UNC13C: variants seen among roughly 807,000 people sequenced by gnomAD.
UNC13C encodes the protein unc-13 homolog C.
Under a neutral mutation model 245.4 loss-of-function variants are expected in UNC13C, and 174 were observed. The observed-to-expected ratio is 0.71, with a 90% CI of 0.63 to 0.80. The LOEUF is 0.80. Ranked by LOEUF, UNC13C falls within the 30% of genes least tolerant of loss-of-function variation. UNC13C has a pLI of 0.00. For missense variants in UNC13C, 2,829 were observed against 2,602.9 expected, an observed-to-expected ratio of 1.09 and a Z score of -1.89; for synonymous variants, 992 against 895.1, an observed-to-expected ratio of 1.11 and a Z score of -1.93.
chr15:54,154,821 C>T (rs968433747), intron 4 of UNC13C, among the ~76,000 whole-genome samples: 3 of 152,126 alleles, frequency 2.0e-5, no homozygotes, highest in African/African-American at 7.2e-5. Flanking sequence ...CTATATTGTC[C>T]TGAGCTTCTC....
In UNC13C at chr15:54,013,524, G is replaced by C. The variant is rs756696299; in HGVS notation, c.621G>C (p.Trp207Cys). 11 of 1,613,918 alleles carry C rather than the reference G, an allele frequency of 6.8e-6. No individual in the cohort carries two copies. The highest frequency in any genetic ancestry group is 1.7e-5 in the Admixed American group (1 of 59,988). Reference sequence around the variant, plus strand: ...AGTTAAGCACCATGAAAAAATCCTGGGGAATAAGAAGTAAGTCTTTGGACA... The same window carrying C: ...AGTTAAGCACCATGAAAAAATCCTGCGGAATAAGAAGTAAGTCTTTGGACA... ...DSELSTMKKS[W>C]GIRSKSLDRT... The change falls in exon 2 of 33, where the codon TGG becomes TGC. Residue 207 changes from tryptophan to cysteine, a missense_variant. Physicochemically the swap from Trp to Cys is radical, Grantham distance 215. Transcript: ENST00000260323.
chr15:54,342,960 C>G (rs953445274), intron 17 of UNC13C, among the ~76,000 whole-genome samples: 1 of 152,096 alleles, frequency 6.6e-6, no homozygotes, highest in African/African-American at 2.4e-5. Context: ...AATTGGTGCT[C>G]ACTTGTACTT....
rs138234221 is a variant in UNC13C at position 54,399,595 on chromosome 15, C to T, written c.4847+6414C>T. 1.1e-3 allele frequency among the ~76,000 whole-genome samples: 174 copies of T among 151,922 alleles called. 1 individual carries two copies. Among genetic ancestry groups the T allele is most frequent in the African/African-American group, 3.9e-3 (163 of 41,542 alleles). On this transcript the variant is annotated intron_variant, in intron 18 of 32. Transcript: ENST00000260323. ...ATATACATACAGTGAAGTCTCAACT[C>T]ATTTTCTCTCTGCATTAAGTGTAGA...
At chr15:54,408,675 T>G (rs1295351875) in intron 18 of UNC13C, among the ~76,000 whole-genome samples, 1 of 152,148 alleles carries the variant, frequency 6.6e-6, no homozygotes, top group African/African-American at 2.4e-5. Flanking sequence ...CAGTAAAAAT[T>G]AAAAGCGTGA....
At chr15:54,251,061 A>G (rs1366555940) in intron 8 of UNC13C, among the ~76,000 whole-genome samples, 1 of 151,986 alleles carries the variant, frequency 6.6e-6, no homozygotes, top group Non-Finnish European at 1.5e-5. Flanking sequence ...CCCGGCCCCT[A>G]TCTATTTTCT....
chr15:54,533,967 T>TA (rs1398384116), intron 26 of UNC13C, among the ~76,000 whole-genome samples: 1 of 152,230 alleles, frequency 6.6e-6, no homozygotes, highest in Non-Finnish European at 1.5e-5. Context: ...TTAGTTTACA[T>TA]AATCTCATTT....
At chr15:54,076,389 G>T (rs1898626903) in intron 2 of UNC13C, among the ~76,000 whole-genome samples, 1 of 151,392 alleles carries the variant, frequency 6.6e-6, no homozygotes, top group East Asian at 2.0e-4. Context: ...ATAGTTTACT[G>T]AGAATGATGG....
intron 14 of UNC13C, among the ~76,000 whole-genome samples, chr15:54,322,463 C>T (rs2038188424): frequency 6.6e-6 from 1 of 151,936 alleles, no homozygotes. Flanking sequence ...AGCTTGGCTG[C>T]CATCTCTGGA....
intron 1 of UNC13C, among the ~76,000 whole-genome samples, chr15:53,985,783 G>A (rs530354793): frequency 6.6e-6 from 1 of 152,148 alleles, no homozygotes. Context: ...TCTTCCTCTT[G>A]TTGATCAGGG....
At chr15:54,336,545 G>GT (rs2038582140) in intron 16 of UNC13C, among the ~76,000 whole-genome samples, 2 of 151,464 alleles carry the variant, frequency 1.3e-5, no homozygotes, top group South Asian at 2.1e-4. Context: ...TCACAAAGAG[G>GT]TTTTTTTGGT....
At chr15:54,011,697 A>C (rs746896402) in intron 1 of UNC13C, among the ~76,000 whole-genome samples, 2 of 152,216 alleles carry the variant, frequency 1.3e-5, no homozygotes, top group Admixed American at 6.5e-5. Context: ...TGAAACCCAG[A>C]AAGACTTGGA....
intron 29 of UNC13C, among the ~76,000 whole-genome samples, chr15:54,563,278 A>C (rs1897370195): frequency 6.6e-6 from 1 of 152,020 alleles, no homozygotes; most frequent in Admixed American, 6.6e-5. Flanking sequence ...TGTTTTTTTA[A>C]GTCCATAGCA....
At chr15:53,926,542 T>C in the UNC13C span, among the ~76,000 whole-genome samples, 1 of 152,178 alleles carries the variant, frequency 6.6e-6, no homozygotes, top group Non-Finnish European at 1.5e-5. Flanking sequence ...CTATATTCCA[T>C]GCTAGTTATT....
rs1003384562 is a variant in UNC13C, at chr15:54,182,341, G to A, written c.3071+38657G>A. On this transcript the variant is annotated intron_variant, in intron 4 of 32. Coordinates refer to ENST00000260323, the MANE Select transcript of UNC13C (RefSeq NM_001080534.3). ...GTTTATGTGATGAATCACATTTATC[G>A]ATATGTGTATGTTGAACCAACCTTG... 2.0e-5 allele frequency among the ~76,000 whole-genome samples: 3 copies of A among 152,106 alleles called. No homozygotes were observed. The South Asian group carries it at 6.2e-4, about 32-fold the overall frequency.
intron 2 of UNC13C, among the ~76,000 whole-genome samples, chr15:54,078,182 C>T (rs773711455): frequency 3.9e-4 from 59 of 152,256 alleles, no homozygotes; most frequent in Non-Finnish European, 7.4e-4. Flanking sequence ...GGTTTTATAG[C>T]TGTGTGGCAT....
chr15:54,617,041 C>T (rs537298575), intron 30 of UNC13C, among the ~76,000 whole-genome samples: 1 of 152,060 alleles, frequency 6.6e-6, no homozygotes, highest in South Asian at 2.1e-4. Flanking sequence ...CTATACCCTA[C>T]CACTTAGAAG....
At chr15:54,172,238 TAATTAA>T (rs1423929697) in intron 4 of UNC13C, among the ~76,000 whole-genome samples, 1 of 152,042 alleles carries the variant, frequency 6.6e-6, no homozygotes, top group Non-Finnish European at 1.5e-5. Context: ...CATTTTAAAA[TAATTAA>T]AAGAGTATAA....
chr15:54,484,660 C>G (rs1029610048), intron 19 of UNC13C, among the ~76,000 whole-genome samples: 2 of 152,092 alleles, frequency 1.3e-5, no homozygotes, highest in African/African-American at 4.8e-5. Context: ...GGGCCCATCT[C>G]CTTAGTAAAT....
intron 2 of UNC13C, among the ~76,000 whole-genome samples, chr15:54,040,460 A>G (rs1640236678): frequency 6.6e-6 from 1 of 152,156 alleles, no homozygotes. Flanking sequence ...TCTTGTTAAA[A>G]TTTTAACAAG....
Sources: gnomAD v4.1 joint callset for allele counts (sites outside exome capture counted in the v4.1 genomes callset) on GRCh38, gnomAD v4.1.1 for gene constraint, MANE v1.5 for transcripts, NCBI Gene and HGNC (gene_info 2026-07-23, HGNC 2026-07-21) for gene names.